The following ATP11C variants were observed in gnomAD, a reference collection of about 807,000 sequenced individuals.
ATP11C encodes ATPase phospholipid transporting 11C (ATP11C blood group), also known as phospholipid-transporting ATPase IG.
Under a neutral mutation model 97.4 loss-of-function variants are expected in ATP11C, and 36 were observed. The ratio of observed to expected loss-of-function variants is 0.37; its 90% CI spans 0.28 to 0.49. The LOEUF is 0.49. ATP11C is among the 20% of genes least tolerant of loss of function. The pLI, the probability that ATP11C is intolerant of heterozygous loss-of-function variation, is 0.98. For missense variants in ATP11C, 730 were observed against 824.6 expected, an observed-to-expected ratio of 0.89 and a Z score of 1.40; for synonymous variants, 275 against 290.9, an observed-to-expected ratio of 0.95 and a Z score of 0.56.
intron 1 of ATP11C, among the ~76,000 whole-genome samples, chrX:139,863,922 C>T (rs972980716): frequency 9.2e-6 from 1 of 109,022 alleles, no homozygotes; most frequent in Non-Finnish European, 1.9e-5. Flanking sequence ...ATTAGCTGGA[C>T]GTGGTGGTGC....
intron 1 of ATP11C, among the ~76,000 whole-genome samples, chrX:139,858,171 T>C (rs1156663937): frequency 2.7e-5 from 3 of 113,037 alleles, no homozygotes; most frequent in Non-Finnish European, 3.7e-5. Context: ...TCCCGGCCTT[T>C]GAGAACGGTA....
intron 12 of ATP11C, among the ~76,000 whole-genome samples, chrX:139,790,464 T>TCACACA (rs56853640): frequency 1.2e-3 from 120 of 99,223 alleles, no homozygotes; most frequent in African/African-American, 2.0e-3. Flanking sequence ...TCTCTCTCAC[T>TCACACA]CACACACACA....
intron 12 of ATP11C, among the ~76,000 whole-genome samples, chrX:139,792,766 C>T (rs2082719750): frequency 1.8e-5 from 2 of 111,733 alleles, no homozygotes; most frequent in African/African-American, 3.2e-5. Context: ...GAGGGTGGTG[C>T]GCCCAAGGAA....
At chrX:139,868,324 G>A (rs1253324243) in intron 1 of ATP11C, among the ~76,000 whole-genome samples, 1 of 111,467 alleles carries the variant, frequency 9.0e-6, no homozygotes, top group African/African-American at 3.3e-5. Context: ...CTTCTGCACA[G>A]CAAAGAAAAC....
Position 139,850,621 on chromosome X carries a change from A to G in ATP11C, c.28-23798T>C, listed in dbSNP as rs183162109. Among the ~76,000 whole-genome samples, 28 of 111,831 alleles carry G rather than the reference A, an allele frequency of 2.5e-4. No individual in the cohort carries two copies. In the East Asian group the frequency reaches 7.6e-3, roughly 30 times the overall value. Reference sequence around the variant, plus strand: ...AAGATGAAATTTACAATTTAAAAAGAGGTACAACAGGGGCCGGGGGCAGTG... The same window carrying G: ...AAGATGAAATTTACAATTTAAAAAGGGGTACAACAGGGGCCGGGGGCAGTG... On this transcript the variant is annotated intron_variant, in intron 1 of 29. Transcript: ENST00000682941.
chrX:139,741,305 G>A (rs773110483), intron 26 of ATP11C, among the ~76,000 whole-genome samples: 12 of 111,340 alleles, frequency 1.1e-4, no homozygotes, highest in Non-Finnish European at 1.9e-4. Context: ...CTAAACTGGC[G>A]TACAGGCTGG....
chrX:139,762,508 G>A (rs963411641), intron 21 of ATP11C, among the ~76,000 whole-genome samples: 9 of 111,165 alleles, frequency 8.1e-5, no homozygotes, highest in Non-Finnish European at 1.5e-4. Context: ...ATGAGAAGAC[G>A]GTGAAATTCT....
Position 139,861,015 on chromosome X carries a change from T to A in ATP11C, c.28-34192A>T, listed in dbSNP as rs753012215. Among the ~76,000 whole-genome samples the A allele has an allele frequency of 6.3e-5, 7 of 111,515 alleles. No homozygotes were observed. The Admixed American group carries it at 6.7e-4, about 11-fold the overall frequency. ...TTTATCAAGCATTTCTACGCCCCAA[T>A]GCCCCAGACTCTACATTGTGTGTTG... On this transcript the variant is annotated intron_variant, in intron 1 of 29. Coordinates refer to ENST00000682941, the MANE Select transcript of ATP11C (RefSeq NM_001353812.2).
At chrX:139,734,554 G>A (rs998745891) in intron 28 of ATP11C, among the ~76,000 whole-genome samples, 63 of 111,594 alleles carry the variant, frequency 5.6e-4, no homozygotes, top group African/African-American at 2.0e-3. Context: ...AGAAACTCCA[G>A]ATATATTTCA....
chrX:139,831,271 G>A (rs1271751436), intron 1 of ATP11C, among the ~76,000 whole-genome samples: 2 of 108,991 alleles, frequency 1.8e-5, no homozygotes, highest in African/African-American at 6.7e-5. Context: ...CTGACCAAAG[G>A]ACAAATGAAT....
chrX:139,731,710 G>T lies in ATP11C; in HGVS notation c.3334C>A (p.Pro1112Thr), dbSNP rs778964087. Reference sequence around the variant, plus strand: ...CGTAAAAGAAGAGGTCTGACTGAAGGTCTGGCGGATAATGAGTCAGATGCC... The same window carrying T: ...CGTAAAAGAAGAGGTCTGACTGAAGTTCTGGCGGATAATGAGTCAGATGCC... ...RRASDSLSAR[P>T]SVRPLLLRTF... Residue 1112 changes from proline (P) to threonine (T), a missense_variant, in exon 29 of 30, where the codon CCT becomes ACT. Pro to Thr is a conservative substitution (Grantham distance 38). Coordinates refer to ENST00000682941, the MANE Select transcript of ATP11C (RefSeq NM_001353812.2). 1.7e-6 allele frequency: 2 copies of T among 1,196,919 alleles called. No individual in the cohort carries two copies. Among genetic ancestry groups the T allele is most frequent in the South Asian group, 3.6e-5 (2 of 54,825 alleles).
chrX:139,929,383 A>G (rs1354684521), intron 1 of ATP11C, among the ~76,000 whole-genome samples: 3 of 112,387 alleles, frequency 2.7e-5, no homozygotes, highest in Non-Finnish European at 5.6e-5. Context: ...ATTTAAAAAA[A>G]TACAATGAAT....
intron 6 of ATP11C, 50 bp downstream of exon 6, chrX:139,804,421 T>C (rs1381073938): frequency 6.5e-6 from 7 of 1,079,250 alleles, no homozygotes; most frequent in Non-Finnish European, 8.8e-6. Context: ...CAGTATTGTA[T>C]GATTAACTAT....
chrX:139,762,323 A>G (rs915172407), intron 21 of ATP11C, among the ~76,000 whole-genome samples: 2 of 112,444 alleles, frequency 1.8e-5, no homozygotes, highest in Admixed American at 9.4e-5. Context: ...AATACAGTAT[A>G]CAACAATTAA....
intron 1 of ATP11C, among the ~76,000 whole-genome samples, chrX:139,891,068 T>C (rs1220680311): frequency 9.1e-6 from 1 of 110,275 alleles, no homozygotes; most frequent in African/African-American, 3.3e-5. Context: ...GAAGGCTTCA[T>C]GAGTTATGCC....
At chrX:139,867,619 G>C (rs934260047) in intron 1 of ATP11C, among the ~76,000 whole-genome samples, 3 of 111,732 alleles carry the variant, frequency 2.7e-5, no homozygotes, top group African/African-American at 9.8e-5. Flanking sequence ...CCAAACTCAG[G>C]GGTCAGCAGA....
In ATP11C at chrX:139,755,930, G is replaced by A. The variant is rs187495995; in HGVS notation, c.2700+1878C>T. On this transcript the variant is annotated intron_variant, in intron 23 of 29. Coordinates refer to ENST00000682941, the MANE Select transcript of ATP11C (RefSeq NM_001353812.2). Reference sequence around the variant, plus strand: ...CACAGGAGCTGGCAAAGATTTCATCGCAAAGATGCTGAAAGCAATAGCAAC... The same window carrying A: ...CACAGGAGCTGGCAAAGATTTCATCACAAAGATGCTGAAAGCAATAGCAAC... 4.5e-5 allele frequency among the ~76,000 whole-genome samples: 5 copies of A among 112,231 alleles called. No individual in the cohort carries two copies. The East Asian group carries it at 1.1e-3, about 25-fold the overall frequency.
intron 15 of ATP11C, among the ~76,000 whole-genome samples, 165 bp downstream of exon 15, chrX:139,787,008 A>G (rs186993671): frequency 8.9e-6 from 1 of 112,115 alleles, no homozygotes; most frequent in Non-Finnish European, 1.9e-5. Flanking sequence ...CTGCAATTCT[A>G]TGTAACATGG....
At chrX:139,836,315 A>C (rs2083749752) in intron 1 of ATP11C, among the ~76,000 whole-genome samples, 1 of 110,997 alleles carries the variant, frequency 9.0e-6, no homozygotes, top group African/African-American at 3.3e-5. Flanking sequence ...CAGGAGTTCG[A>C]GACCAGATTG....
Sources: gnomAD v4.1 joint callset for allele counts (sites outside exome capture counted in the v4.1 genomes callset) on GRCh38, gnomAD v4.1.1 for gene constraint, MANE v1.5 for transcripts, NCBI Gene and HGNC (gene_info 2026-07-23, HGNC 2026-07-21) for gene names.